Variants in SLC27A2 observed in about 807,000 individuals in gnomAD.
SLC27A2 encodes the protein long-chain fatty acid transport protein 2.
Under a neutral mutation model 60.0 loss-of-function variants are expected in SLC27A2, and 54 were observed. The observed-to-expected ratio is 0.90, with a 90% CI of 0.72 to 1.13. The LOEUF is 1.13. Among genes scored for constraint, SLC27A2 ranks in the 50% most tolerant of loss-of-function variants. The pLI is 0.00. For synonymous variants in SLC27A2, 297 were observed against 297.6 expected, an observed-to-expected ratio of 1.00 and a Z score of 0.02; for missense variants, 739 against 777.6, an observed-to-expected ratio of 0.95 and a Z score of 0.59.
intron 2 of SLC27A2, among the ~76,000 whole-genome samples, chr15:50,197,918 A>G (rs547433187): frequency 7.0e-4 from 106 of 152,340 alleles, no homozygotes; most frequent in African/African-American, 2.5e-3. Context: ...GCCAGTTGGT[A>G]TAGAACAGAT....
rs911117633 is a variant in SLC27A2 at position 50,205,305 on chromosome 15, A to G, written c.914A>G (p.Asn305Ser). The change falls in exon 4 of 10, where the codon AAC (asparagine) becomes AGC (serine). Residue 305 changes from asparagine to serine, a missense_variant. By Grantham distance (46) the Asn-to-Ser change is conservative. Coordinates refer to ENST00000267842, the MANE Select transcript of SLC27A2 (RefSeq NM_003645.4). ...SQFWDDCRKY[N>S]VTVIQYIGEL... ...TTTTGGGATGACTGCAGAAAATACAACGTCACTGTCATTCAGTATATCGGT... is the reference window on the plus strand; with the variant it reads ...TTTTGGGATGACTGCAGAAAATACAGCGTCACTGTCATTCAGTATATCGGT... The G allele has an allele frequency of 4.3e-6, 7 of 1,611,258 alleles. No individual in the cohort carries two copies. Among genetic ancestry groups the G allele is most frequent in the African/African-American group, 1.3e-5 (1 of 74,872 alleles).
At chr15:50,209,976 C>T (rs1272272324) in intron 4 of SLC27A2, among the ~76,000 whole-genome samples, 2 of 152,116 alleles carry the variant, frequency 1.3e-5, no homozygotes, top group Non-Finnish European at 2.9e-5. Context: ...AAGGGTGAAA[C>T]TTAAGAGGCA....
At chr15:50,205,187 G>T in intron 3 of SLC27A2, 52 bp from the exon 4 acceptor site, 1 of 1,554,852 alleles carries the variant, frequency 6.4e-7, no homozygotes, top group Non-Finnish European at 8.7e-7. Context: ...ACATAACTGG[G>T]AGAATTTTTT....
chr15:50,193,980 G>A (rs781089672), intron 1 of SLC27A2, among the ~76,000 whole-genome samples: 9 of 152,104 alleles, frequency 5.9e-5, no homozygotes, highest in East Asian at 1.9e-4. Context: ...GCAACGTAGC[G>A]GGACATCATC....
intron 3 of SLC27A2, among the ~76,000 whole-genome samples, chr15:50,204,771 A>G (rs1202141248): frequency 1.3e-5 from 2 of 149,522 alleles, no homozygotes; most frequent in East Asian, 3.9e-4. Context: ...TCTGTCTCAA[A>G]TATATATATA....
At chr15:50,203,052 G>A (rs1479944836) in intron 3 of SLC27A2, among the ~76,000 whole-genome samples, 1 of 150,554 alleles carries the variant, frequency 6.6e-6, no homozygotes, top group Non-Finnish European at 1.5e-5. Context: ...GCCAGGCATG[G>A]TGGCTCAAGT....
chr15:50,217,628 C>T (rs922831871), intron 4 of SLC27A2, among the ~76,000 whole-genome samples: 4 of 152,168 alleles, frequency 2.6e-5, no homozygotes, highest in African/African-American at 9.7e-5. Flanking sequence ...GCCCCCTCAC[C>T]CTGCCCCCAC....
At chr15:50,203,668 G>A (rs145934814) in intron 3 of SLC27A2, among the ~76,000 whole-genome samples, 78 of 152,156 alleles carry the variant, frequency 5.1e-4, no homozygotes, top group Non-Finnish European at 9.4e-4. Context: ...GTATATGCAT[G>A]CATGTTATGG....
intron 8 of SLC27A2, among the ~76,000 whole-genome samples, chr15:50,231,662 T>G (rs1025082995): frequency 2.0e-5 from 3 of 152,104 alleles, no homozygotes; most frequent in Non-Finnish European, 4.4e-5. Context: ...AATCTGCATG[T>G]CTTTTTTTTA....
chr15:50,209,427 G>A (rs1407720879), intron 4 of SLC27A2, among the ~76,000 whole-genome samples: 1 of 152,110 alleles, frequency 6.6e-6, no homozygotes, highest in Non-Finnish European at 1.5e-5. Context: ...GAAGAGTACG[G>A]AGAAGTTCTG....
chr15:50,220,642 G>A (rs1372516688), intron 4 of SLC27A2, among the ~76,000 whole-genome samples: 1 of 152,180 alleles, frequency 6.6e-6, no homozygotes, highest in Non-Finnish European at 1.5e-5. Context: ...TATGTGTGAT[G>A]TTTTATCCTT....
chr15:50,211,843 A>G (rs7182317), intron 4 of SLC27A2, among the ~76,000 whole-genome samples: 51,048 of 151,606 alleles, frequency 0.34, 8,790 homozygotes, highest in African/African-American at 0.41. Context: ...AGGCTGAGGC[A>G]GGCAGATCAC....
chr15:50,197,403 A>G (rs996938302), intron 1 of SLC27A2, 97 bp from the exon 2 acceptor site: 1 of 923,340 alleles, frequency 1.1e-6, no homozygotes. Context: ...TAAGCAAAAA[A>G]TTATGCTGAA....
intron 1 of SLC27A2, among the ~76,000 whole-genome samples, chr15:50,196,014 A>G (rs1413819582): frequency 1.5e-5 from 2 of 133,278 alleles, no homozygotes; most frequent in Non-Finnish European, 3.1e-5. Context: ...AGATCGCGCC[A>G]CTGCACCCCA....
At chr15:50,199,419 A>G (rs1415517659) in intron 2 of SLC27A2, among the ~76,000 whole-genome samples, 2 of 150,224 alleles carry the variant, frequency 1.3e-5, no homozygotes, top group East Asian at 2.0e-4. Context: ...CGGAGCTTGC[A>G]GTGAGCCGAG....
chr15:50,211,104 C>A (rs1024735023), intron 4 of SLC27A2, among the ~76,000 whole-genome samples: 12 of 152,164 alleles, frequency 7.9e-5, no homozygotes, highest in African/African-American at 2.9e-4. Context: ...AGGGCCCTGC[C>A]CACTGCTGGT....
intron 4 of SLC27A2, among the ~76,000 whole-genome samples, chr15:50,215,231 AT>A (rs1260153440): frequency 2.6e-5 from 4 of 152,184 alleles, no homozygotes; most frequent in African/African-American, 9.6e-5. Context: ...TGCAAAAAAA[AT>A]AAAATACCTA....
rs2044860510 is a variant in SLC27A2 at position 50,182,337 on chromosome 15, C to T, written c.-91C>T. On this transcript the variant is annotated 5_prime_UTR_variant, in exon 1 of 10. Transcript: ENST00000267842. ...CCGCCGCGTGCGCCCCGGCGCAGCC[C>T]GCCAGTCCGCCCGGAGCCCGCCCAG... The T allele has an allele frequency of 1.5e-6, 2 of 1,361,556 alleles. No homozygotes were observed. The highest frequency in any genetic ancestry group is 1.9e-6 in the Non-Finnish European group (2 of 1,058,104). The allele number at this position is 1,361,556 out of a possible 1,614,324, so 84.3% of individuals were successfully genotyped here. A position where few individuals can be genotyped will look rare whatever the true frequency, so the allele number is the denominator to read the frequency against.
At chr15:50,192,059 C>CAAAAAA (rs553255229) in intron 1 of SLC27A2, among the ~76,000 whole-genome samples, 1 of 103,270 alleles carries the variant, frequency 9.7e-6, no homozygotes, top group African/African-American at 3.7e-5. Flanking sequence ...GACTCCATCT[C>CAAAAAA]AAAAAAAAAA....
Sources: gnomAD v4.1 joint callset for allele counts (sites outside exome capture counted in the v4.1 genomes callset) on GRCh38, gnomAD v4.1.1 for gene constraint, MANE v1.5 for transcripts, NCBI Gene and HGNC (gene_info 2026-07-23, HGNC 2026-07-21) for gene names.